Variants in SPAG16 observed in about 807,000 individuals in gnomAD.
The protein encoded by SPAG16 is sperm-associated antigen 16 protein.
In SPAG16, 86 loss-of-function variants were observed where a neutral mutation model predicts 80.4. The observed-to-expected ratio is 1.07, with a 90% CI of 0.90 to 1.28. The LOEUF is 1.28. Ranked by LOEUF, SPAG16 falls within the 50% of genes most tolerant of loss-of-function variation. The probability of loss-of-function intolerance (pLI) is 0.00; values close to 1 mark genes in which losing one functional copy is unlikely to be tolerated. For synonymous variants in SPAG16, 294 were observed against 265.9 expected (o/e 1.11, Z -1.03); for missense variants, 870 against 765.3 (o/e 1.14, Z -1.61).
At chr2:214,263,637 A>G (rs530653339) in intron 15 of SPAG16, among the ~76,000 whole-genome samples, 30 of 152,306 alleles carry the variant, frequency 2.0e-4, no homozygotes, top group African/African-American at 6.7e-4. Context: ...AGGTAATCCA[A>G]GATCTTTCAG....
intron 8 of SPAG16, among the ~76,000 whole-genome samples, chr2:213,367,542 G>T (rs1470040705): frequency 6.6e-6 from 1 of 152,296 alleles, no homozygotes; most frequent in Non-Finnish European, 1.5e-5. Flanking sequence ...TGGCCAGTGT[G>T]ATGAGCATTT....
chr2:213,714,241 T>C (rs1004614258), intron 10 of SPAG16, among the ~76,000 whole-genome samples: 5 of 152,190 alleles, frequency 3.3e-5, no homozygotes, highest in Admixed American at 3.3e-4. Flanking sequence ...GGATGTGCAG[T>C]GGAATATTTT....
intron 10 of SPAG16, among the ~76,000 whole-genome samples, chr2:213,679,755 A>G (rs910573485): frequency 1.3e-5 from 2 of 152,178 alleles, no homozygotes; most frequent in African/African-American, 4.8e-5. Flanking sequence ...TTATTTTAGA[A>G]AAATAAAGAC....
At chr2:213,509,187 G>A (rs889854151) in intron 10 of SPAG16, among the ~76,000 whole-genome samples, 2 of 151,932 alleles carry the variant, frequency 1.3e-5, no homozygotes, top group South Asian at 2.1e-4. Context: ...TAGAAGAGAC[G>A]GGGTTTCACC....
chr2:213,601,999 C>A (rs1207564045), intron 10 of SPAG16, among the ~76,000 whole-genome samples: 1 of 152,206 alleles, frequency 6.6e-6, no homozygotes, highest in African/African-American at 2.4e-5. Context: ...AGATTCCTCG[C>A]ATGTGCAGTT....
rs372054086 is a variant in SPAG16, at chr2:213,752,171, CAT to C, written c.1071-110311_1071-110310del. 5.2e-4 allele frequency among the ~76,000 whole-genome samples: 79 copies of C among 152,274 alleles called. No homozygotes were observed. In the East Asian group the frequency reaches 0.015, roughly 29 times the overall value. On this transcript the variant is annotated intron_variant, in intron 10 of 15. Transcript: ENST00000331683. Reference sequence around the variant, plus strand: ...ACAATCATGATTTTCTCATGCGAGACATATTCCGTTGATTTTTCTGCTAGACT... The same window carrying C: ...ACAATCATGATTTTCTCATGCGAGACATTCCGTTGATTTTTCTGCTAGACT...
intron 10 of SPAG16, among the ~76,000 whole-genome samples, chr2:213,755,612 A>T (rs551597591): frequency 3.3e-5 from 5 of 152,314 alleles, no homozygotes; most frequent in African/African-American, 1.2e-4. Flanking sequence ...GGCACAAGGA[A>T]TAGAATCGTA....
At chr2:213,541,050 T>C (rs2076428829) in intron 10 of SPAG16, among the ~76,000 whole-genome samples, 1 of 152,256 alleles carries the variant, frequency 6.6e-6, no homozygotes, top group African/African-American at 2.4e-5. Context: ...TATTTACATA[T>C]GTGCTAATTC....
chr2:213,943,295 A>G (rs767572465), intron 12 of SPAG16, among the ~76,000 whole-genome samples: 2 of 152,180 alleles, frequency 1.3e-5, no homozygotes, highest in Admixed American at 6.5e-5. Flanking sequence ...TTTGAGGTGC[A>G]TGCTAAAAGA....
At chr2:214,163,672 A>T (rs1392484710) in intron 15 of SPAG16, among the ~76,000 whole-genome samples, 2 of 151,666 alleles carry the variant, frequency 1.3e-5, no homozygotes, top group African/African-American at 4.8e-5. Context: ...AGAGGAAAAG[A>T]TTTATTTTAA....
chr2:213,579,642 G>A (rs1292001043), intron 10 of SPAG16, among the ~76,000 whole-genome samples: 1 of 152,016 alleles, frequency 6.6e-6, no homozygotes, highest in African/African-American at 2.4e-5. Context: ...TTTCATTTAT[G>A]ATTTATCTTT....
At chr2:214,037,922 T>G (rs1314529494) in intron 13 of SPAG16, among the ~76,000 whole-genome samples, 1 of 148,730 alleles carries the variant, frequency 6.7e-6, no homozygotes, top group Non-Finnish European at 1.5e-5. Flanking sequence ...TGTATCCAAG[T>G]CTTTCTATTT....
At chr2:213,430,339 C>T (rs1157612654) in intron 9 of SPAG16, among the ~76,000 whole-genome samples, 1 of 152,176 alleles carries the variant, frequency 6.6e-6, no homozygotes, top group Admixed American at 6.6e-5. Context: ...TTGAGAAGTA[C>T]AGGATTACTT....
At chr2:213,525,785 C>T (rs1378230338) in intron 10 of SPAG16, among the ~76,000 whole-genome samples, 1 of 151,922 alleles carries the variant, frequency 6.6e-6, no homozygotes, top group African/African-American at 2.4e-5. Context: ...ACATCTGTAT[C>T]TACCTAGGTA....
intron 15 of SPAG16, among the ~76,000 whole-genome samples, chr2:214,289,669 T>C (rs1422230546): frequency 6.6e-6 from 1 of 152,236 alleles, no homozygotes; most frequent in Non-Finnish European, 1.5e-5. Context: ...GTGTGAAGTC[T>C]TCAGCTTTGT....
intron 12 of SPAG16, among the ~76,000 whole-genome samples, chr2:213,937,641 A>G (rs1055683974): frequency 6.6e-6 from 1 of 151,452 alleles, no homozygotes; most frequent in Non-Finnish European, 1.5e-5. Context: ...TATAGCATGT[A>G]TTTTTTTATT....
intron 15 of SPAG16, among the ~76,000 whole-genome samples, chr2:214,186,113 C>T (rs2057463360): frequency 6.6e-6 from 1 of 152,112 alleles, no homozygotes; most frequent in South Asian, 2.1e-4. Context: ...ATTCTTTCAA[C>T]AAGCATTACT....
chr2:213,430,935 TAAAG>T (rs1030089609), intron 9 of SPAG16, among the ~76,000 whole-genome samples: 2 of 152,122 alleles, frequency 1.3e-5, no homozygotes, highest in Non-Finnish European at 2.9e-5. Context: ...TCAAAGTGCT[TAAAG>T]AAAAAACTGC....
intron 11 of SPAG16, among the ~76,000 whole-genome samples, chr2:213,883,668 A>T (rs1029124685): frequency 2.7e-5 from 4 of 146,922 alleles, no homozygotes; most frequent in Non-Finnish European, 6.0e-5. Context: ...GCCAAGAAGA[A>T]CTTGTTTTAT....
Sources: gnomAD v4.1 joint callset for allele counts (sites outside exome capture counted in the v4.1 genomes callset) on GRCh38, gnomAD v4.1.1 for gene constraint, MANE v1.5 for transcripts, NCBI Gene and HGNC (gene_info 2026-07-23, HGNC 2026-07-21) for gene names.